Variants in PPARGC1A observed in about 807,000 individuals in gnomAD.
PPARGC1A encodes peroxisome proliferator-activated receptor gamma coactivator 1-alpha.
Under a neutral mutation model 88.7 loss-of-function variants are expected in PPARGC1A, and 25 were observed. The observed-to-expected ratio is 0.28, with a 90% CI of 0.21 to 0.39. The LOEUF is 0.39. Ranked by LOEUF, PPARGC1A falls within the 10% of genes least tolerant of loss-of-function variation. The probability of loss-of-function intolerance (pLI) is 1.00; values close to 1 mark genes in which losing one functional copy is unlikely to be tolerated. For synonymous variants in PPARGC1A, 363 were observed against 355.6 expected, an observed-to-expected ratio of 1.02 and a Z score of -0.24; for missense variants, 880 against 968.7, an observed-to-expected ratio of 0.91 and a Z score of 1.22.
At chr4:23,847,113 T>C (rs1265006741) in intron 2 of PPARGC1A, among the ~76,000 whole-genome samples, 1 of 152,208 alleles carries the variant, frequency 6.6e-6, no homozygotes, top group Non-Finnish European at 1.5e-5. Context: ...AGTTTTAACA[T>C]CTTCCCAGGT....
chr4:23,808,395 C>T (rs1318963276), intron 10 of PPARGC1A, among the ~76,000 whole-genome samples: 3 of 152,066 alleles, frequency 2.0e-5, no homozygotes, highest in Non-Finnish European at 1.5e-5. Flanking sequence ...CAGTCATTGC[C>T]GCCTGAGCAC....
At position 23,814,189 on chromosome 4, in the gene PPARGC1A, A is replaced by G. The variant is rs373408567; in HGVS notation, c.1294T>C (p.Cys432Arg). 6.8e-6 allele frequency: 11 copies of G among 1,613,998 alleles called. No homozygotes were observed. Among genetic ancestry groups the G allele is most frequent in the African/African-American group, 1.3e-5 (1 of 74,908 alleles). ...GCCTCCAAAGTCTCTCTCAGGTAGC[A>G]CTGGTCTGAATCTGTGGAAGAACAA... ...QICSSTDSDQ[C>R]YLRETLEASK... Residue 432 changes from cysteine to arginine, a missense_variant, in exon 8 of 13, where the codon TGC becomes CGC. Transcript: ENST00000264867.
chr4:24,216,195 C>T, the PPARGC1A span, among the ~76,000 whole-genome samples: 5,257 of 140,750 alleles, frequency 0.037, 214 homozygotes, highest in East Asian at 0.1. Flanking sequence ...TCGCCCAGAC[C>T]GGAGTGCAAT....
At chr4:24,029,342 G>A in the PPARGC1A span, among the ~76,000 whole-genome samples, 1 of 152,154 alleles carries the variant, frequency 6.6e-6, no homozygotes, top group Non-Finnish European at 1.5e-5. Flanking sequence ...TCCATTCTAT[G>A]TCCAACATTA....
chr4:23,912,962 T>TA, the PPARGC1A span, among the ~76,000 whole-genome samples: 2 of 147,836 alleles, frequency 1.4e-5, no homozygotes, highest in Non-Finnish European at 3.0e-5. Context: ...CTAATTTCGT[T>TA]TTTTTTTTTA....
Position 23,801,838 on chromosome 4 carries a change from A to G in PPARGC1A, c.2185T>C (p.Phe729Leu). 3 of 1,614,026 alleles carry G rather than the reference A, an allele frequency of 1.9e-6. No homozygotes were observed. Among genetic ancestry groups the G allele is most frequent in the Non-Finnish European group, 2.5e-6 (3 of 1,179,982 alleles). Reference protein sequence around the residue: ...FITYRYTCDAFAALENGYTLR... With the variant: ...FITYRYTCDALAALENGYTLR... ...GTGTATCCATTTTCAAGAGCAGCAA[A>G]AGCATCACAGGTATAACGGTAGGTA... is the stretch of plus-strand genomic sequence containing the variant. Residue 729 changes from phenylalanine (F) to leucine (L), a missense_variant, in exon 12 of 13, where the codon TTT becomes CTT. Transcript: ENST00000264867.
At chr4:24,020,176 C>G in the PPARGC1A span, among the ~76,000 whole-genome samples, 1 of 152,176 alleles carries the variant, frequency 6.6e-6, no homozygotes, top group African/African-American at 2.4e-5. Context: ...CAGTCTACCA[C>G]CCAAAAGCTG....
intron 2 of PPARGC1A, among the ~76,000 whole-genome samples, chr4:23,852,364 G>C (rs1460097437): frequency 6.6e-6 from 1 of 152,110 alleles, no homozygotes; most frequent in Non-Finnish European, 1.5e-5. Context: ...AGAGAAGCTG[G>C]GATTTGAGGA....
the PPARGC1A span, among the ~76,000 whole-genome samples, chr4:24,182,002 C>T: frequency 3.7e-4 from 56 of 152,070 alleles, no homozygotes; most frequent in East Asian, 0.011. Context: ...TTTAATTTTA[C>T]TTTAAGTTCT....
At chr4:23,905,260 A>G (rs1719900937), upstream of PPARGC1A, among the ~76,000 whole-genome samples, 1 of 152,236 alleles carries the variant, frequency 6.6e-6, no homozygotes, top group South Asian at 2.1e-4. Flanking sequence ...GGATTCTGGA[A>G]ACGATGTCAG....
the PPARGC1A span, among the ~76,000 whole-genome samples, chr4:24,126,618 G>C: frequency 6.6e-6 from 1 of 152,188 alleles, no homozygotes; most frequent in Non-Finnish European, 1.5e-5. Context: ...CCCAGAGGCT[G>C]TGCAGACATA....
the PPARGC1A span, among the ~76,000 whole-genome samples, chr4:24,471,823 C>T: frequency 1.3e-5 from 2 of 152,158 alleles, no homozygotes; most frequent in African/African-American, 4.8e-5. The surrounding 1 kb of genome is among the most constrained non-coding windows in gnomAD (Gnocchi z 5.4). Flanking sequence ...CTCCACTCTG[C>T]ACCCCACCCC....
chr4:24,218,793 T>A, the PPARGC1A span, among the ~76,000 whole-genome samples: 40 of 152,214 alleles, frequency 2.6e-4, no homozygotes, highest in Non-Finnish European at 1.2e-4. Flanking sequence ...CCTCTTGAGA[T>A]GATCAGTGCT....
chr4:24,369,821 C>G, the PPARGC1A span, among the ~76,000 whole-genome samples: 1 of 152,172 alleles, frequency 6.6e-6, no homozygotes, highest in Non-Finnish European at 1.5e-5. Flanking sequence ...CTTTCGTGCC[C>G]GCCAACCCTC....
the PPARGC1A span, among the ~76,000 whole-genome samples, chr4:24,090,490 AT>A: frequency 1.1e-4 from 16 of 152,218 alleles, no homozygotes; most frequent in Admixed American, 5.2e-4. Context: ...TTATAAAAGA[AT>A]TTTTTTAATT....
the PPARGC1A span, among the ~76,000 whole-genome samples, chr4:24,374,433 C>T: frequency 6.6e-6 from 1 of 151,922 alleles, no homozygotes; most frequent in Non-Finnish European, 1.5e-5. Context: ...GGGAGAGGAT[C>T]AGGGAAAGCA....
At chr4:24,472,317 T>C in the PPARGC1A span, among the ~76,000 whole-genome samples, 1 of 144,080 alleles carries the variant, frequency 6.9e-6, no homozygotes, top group African/African-American at 2.6e-5. This position sits in a 1 kb window ranked among gnomAD's most constrained non-coding sequence, Gnocchi z 4.5. Flanking sequence ...AAGTACCAAG[T>C]GAGCGCGCGG....
At chr4:24,192,613 T>C in the PPARGC1A span, among the ~76,000 whole-genome samples, 1 of 152,306 alleles carries the variant, frequency 6.6e-6, no homozygotes, top group African/African-American at 2.4e-5. Flanking sequence ...TTCAGCATGA[T>C]ATAAGTAATG....
At chr4:23,934,572 G>A in the PPARGC1A span, among the ~76,000 whole-genome samples, 1 of 152,166 alleles carries the variant, frequency 6.6e-6, no homozygotes, top group Non-Finnish European at 1.5e-5. Flanking sequence ...AGGAGATTTT[G>A]ATCTCCTGCT....
Sources: allele counts gnomAD v4.1 joint callset (sites outside exome capture counted in the v4.1 genomes callset), GRCh38; gene constraint gnomAD v4.1.1; non-coding constraint Gnocchi (gnomAD v3.1); transcripts MANE v1.5; gene names NCBI Gene and HGNC (gene_info 2026-07-23, HGNC 2026-07-21).